The following SLC24A3 variants were observed in gnomAD, a reference collection of about 807,000 sequenced individuals.
SLC24A3 encodes solute carrier family 24 member 3.
A neutral mutation model predicts 75.8 loss-of-function variants in SLC24A3; 28 were observed. The ratio of observed to expected loss-of-function variants is 0.37; its 90% CI spans 0.27 to 0.51. The LOEUF is 0.51. SLC24A3 is among the 20% of genes least tolerant of loss of function. SLC24A3 has a pLI of 0.94. For synonymous variants in SLC24A3, 372 were observed against 334.1 expected, an observed-to-expected ratio of 1.11 and a Z score of -1.24; for missense variants, 663 against 847.8, an observed-to-expected ratio of 0.78 and a Z score of 2.71.
intron 3 of SLC24A3, among the ~76,000 whole-genome samples, chr20:19,576,281 A>G (rs1056002219): frequency 6.6e-6 from 1 of 152,198 alleles, no homozygotes; most frequent in Non-Finnish European, 1.5e-5. Flanking sequence ...ACTCTATTAA[A>G]ACTATTTGTG....
At chr20:19,216,450 AT>A (rs572776480) in intron 1 of SLC24A3, among the ~76,000 whole-genome samples, 84 of 152,032 alleles carry the variant, frequency 5.5e-4, no homozygotes, top group African/African-American at 1.9e-3. Context: ...CTCTTAAAAA[AT>A]TTTTTTTAAT....
At chr20:19,414,270 C>T (rs1206025693) in intron 2 of SLC24A3, among the ~76,000 whole-genome samples, 5 of 152,146 alleles carry the variant, frequency 3.3e-5, no homozygotes, top group East Asian at 1.9e-4. Context: ...CAGGTGGATA[C>T]GTTTTGACCT....
In SLC24A3 at chr20:19,463,754, A is replaced by C. The variant is rs1482919476; in HGVS notation, c.272-51734A>C. Among the ~76,000 whole-genome samples the C allele has an allele frequency of 2.6e-5, 4 of 152,318 alleles. 1 individual carries two copies. The East Asian group carries it at 7.7e-4, about 29-fold the overall frequency. On this transcript the variant is annotated intron_variant, in intron 2 of 16. Transcript: ENST00000328041. ...GAAAACCTGACTTGCGGAGGTGGCC[A>C]GAAAATGGAATCAGGGCTGAGAAAG...
intron 2 of SLC24A3, among the ~76,000 whole-genome samples, chr20:19,293,505 A>G (rs549891035): frequency 1.3e-5 from 2 of 151,860 alleles, no homozygotes; most frequent in East Asian, 3.9e-4. Context: ...AAAATACAAA[A>G]ATTAGTTGGG....
intron 2 of SLC24A3, among the ~76,000 whole-genome samples, chr20:19,438,064 C>A (rs997980854): frequency 6.6e-6 from 1 of 152,210 alleles, no homozygotes; most frequent in African/African-American, 2.4e-5. Context: ...AACACTCTCA[C>A]TTCCTCAAGG....
chr20:19,498,787 C>G (rs911219777), intron 2 of SLC24A3, among the ~76,000 whole-genome samples: 2 of 152,222 alleles, frequency 1.3e-5, no homozygotes, highest in African/African-American at 2.4e-5. Context: ...ACTTCACCTC[C>G]CTTTAAGACT....
At chr20:19,524,038 C>T (rs1314046183) in intron 3 of SLC24A3, among the ~76,000 whole-genome samples, 1 of 152,160 alleles carries the variant, frequency 6.6e-6, no homozygotes, top group Non-Finnish European at 1.5e-5. Flanking sequence ...TGCCTGTTCC[C>T]TCTCGCTTCA....
chr20:19,291,507 C>T (rs1423538444), intron 2 of SLC24A3, among the ~76,000 whole-genome samples: 1 of 152,216 alleles, frequency 6.6e-6, no homozygotes, highest in Non-Finnish European at 1.5e-5. Context: ...TCACATTCCA[C>T]CTTGGAGAGT....
chr20:19,594,075 G>A (rs903864847), intron 6 of SLC24A3, among the ~76,000 whole-genome samples: 7 of 152,190 alleles, frequency 4.6e-5, no homozygotes, highest in Admixed American at 1.3e-4. Context: ...AAGGATTCCC[G>A]TCATGGCCTT....
chr20:19,692,509 A>C (rs1003093447), intron 12 of SLC24A3, among the ~76,000 whole-genome samples: 2 of 152,202 alleles, frequency 1.3e-5, no homozygotes, highest in Non-Finnish European at 2.9e-5. Flanking sequence ...AGAAGAAGGA[A>C]GGCACGAAAA....
At chr20:19,682,032 C>T in intron 10 of SLC24A3, 41 bp downstream of exon 10, 1 of 1,603,310 alleles carries the variant, frequency 6.2e-7, no homozygotes, top group East Asian at 2.2e-5. Flanking sequence ...GCAGGAGGAT[C>T]AATTGAGGCC....
chr20:19,669,585 C>T (rs1297862980), intron 8 of SLC24A3, among the ~76,000 whole-genome samples: 1 of 152,060 alleles, frequency 6.6e-6, no homozygotes, highest in Non-Finnish European at 1.5e-5. Context: ...GTGTTGTTGC[C>T]AGAAGGAATT....
intron 2 of SLC24A3, among the ~76,000 whole-genome samples, chr20:19,432,289 T>G (rs145452802): frequency 6.9e-6 from 1 of 145,102 alleles, no homozygotes; most frequent in Non-Finnish European, 1.5e-5. Context: ...TATATATATA[T>G]ATAAGATTAT....
intron 2 of SLC24A3, among the ~76,000 whole-genome samples, chr20:19,389,727 T>C (rs1226588878): frequency 6.6e-6 from 1 of 152,224 alleles, no homozygotes; most frequent in Non-Finnish European, 1.5e-5. Context: ...TTATCTTTAA[T>C]ATATTTGGGG....
At chr20:19,388,996 T>C (rs573791057) in intron 2 of SLC24A3, among the ~76,000 whole-genome samples, 1 of 152,266 alleles carries the variant, frequency 6.6e-6, no homozygotes, top group East Asian at 1.9e-4. Flanking sequence ...CTTTTCTCTT[T>C]ATCTTTTGTG....
intron 2 of SLC24A3, among the ~76,000 whole-genome samples, chr20:19,488,610 A>G (rs778477422): frequency 6.6e-6 from 1 of 152,136 alleles, no homozygotes; most frequent in Non-Finnish European, 1.5e-5. Flanking sequence ...GCCAAACTAC[A>G]TTTCAACCTA....
At chr20:19,427,517 T>C (rs914944816) in intron 2 of SLC24A3, among the ~76,000 whole-genome samples, 3 of 151,248 alleles carry the variant, frequency 2.0e-5, no homozygotes, top group Non-Finnish European at 4.4e-5. Flanking sequence ...CCATTTGCGC[T>C]TTAGTGTTCC....
At chr20:19,496,167 A>T (rs1266314875) in intron 2 of SLC24A3, among the ~76,000 whole-genome samples, 1 of 152,120 alleles carries the variant, frequency 6.6e-6, no homozygotes, top group Non-Finnish European at 1.5e-5. Context: ...TGGCTTCTGC[A>T]CTTCTGGCCT....
chr20:19,416,282 G>C (rs1157679604), intron 2 of SLC24A3, among the ~76,000 whole-genome samples: 1 of 152,220 alleles, frequency 6.6e-6, no homozygotes. Context: ...GTGTGAGCTT[G>C]TAAGTGGCAG....
Sources: allele counts gnomAD v4.1 joint callset (sites outside exome capture counted in the v4.1 genomes callset), GRCh38; gene constraint gnomAD v4.1.1; transcripts MANE v1.5; gene names NCBI Gene and HGNC (gene_info 2026-07-23, HGNC 2026-07-21).